RBFOX1: variants seen among roughly 807,000 people sequenced by gnomAD.
RBFOX1 encodes RNA binding protein fox-1 homolog 1.
A neutral mutation model predicts 57.7 loss-of-function variants in RBFOX1; 8 were observed. That is an observed-to-expected ratio of 0.14 (90% confidence interval 0.08 to 0.25). The LOEUF is 0.25. Ranked by LOEUF, RBFOX1 falls within the 10% of genes least tolerant of loss-of-function variation. The pLI, the probability that RBFOX1 is intolerant of heterozygous loss-of-function variation, is 1.00. For missense variants in RBFOX1, 611 were observed against 548.5 expected, an observed-to-expected ratio of 1.11 and a Z score of -1.14; for synonymous variants, 326 against 222.4, an observed-to-expected ratio of 1.47 and a Z score of -4.15.
At chr16:5,591,468 C>T (rs1415029222) in intron 2 of RBFOX1, among the ~76,000 whole-genome samples, 1 of 152,072 alleles carries the variant, frequency 6.6e-6, no homozygotes, top group African/African-American at 2.4e-5. Flanking sequence ...CCAGGTTGGT[C>T]TCGTACTCCT....
At chr16:6,483,405 C>G (rs73524645) in intron 2 of RBFOX1, 8 of 1,534,184 alleles carry the variant, frequency 5.2e-6, no homozygotes, top group Non-Finnish European at 7.0e-6. Context: ...GAGTCATTTA[C>G]ATTGCTAGCA....
At chr16:5,731,090 C>T (rs1469572183) in intron 3 of RBFOX1, among the ~76,000 whole-genome samples, 1 of 152,180 alleles carries the variant, frequency 6.6e-6, no homozygotes, top group African/African-American at 2.4e-5. Context: ...TCACCATCAA[C>T]ATCATTGTCC....
At chr16:7,224,897 G>A (rs1322660484) in intron 4 of RBFOX1, among the ~76,000 whole-genome samples, 1 of 152,140 alleles carries the variant, frequency 6.6e-6, no homozygotes, top group South Asian at 2.1e-4. Context: ...GTGATTTCAT[G>A]TACTTTGAGT....
chr16:6,475,621 T>C (rs62016767), intron 2 of RBFOX1, among the ~76,000 whole-genome samples: 19,241 of 152,258 alleles, frequency 0.13, 1,537 homozygotes, highest in Middle Eastern at 0.17. Context: ...TCAATATGCT[T>C]CATTAAGCTC....
intron 12 of RBFOX1, among the ~76,000 whole-genome samples, chr16:7,654,606 G>A (rs1193717586): frequency 1.3e-5 from 2 of 152,090 alleles, no homozygotes; most frequent in Middle Eastern, 3.4e-3. Flanking sequence ...ATTGCCAGGC[G>A]AATGTCAAGG....
intron 4 of RBFOX1, among the ~76,000 whole-genome samples, chr16:6,007,197 C>T (rs1303759679): frequency 2.6e-5 from 4 of 152,186 alleles, no homozygotes; most frequent in African/African-American, 9.7e-5. Flanking sequence ...TGAATTGATT[C>T]ACTTCCCATA....
intron 1 of RBFOX1, among the ~76,000 whole-genome samples, chr16:6,046,743 A>G (rs1165334851): frequency 1.3e-5 from 2 of 152,220 alleles, no homozygotes; most frequent in Non-Finnish European, 2.9e-5. Context: ...AATAATTAGT[A>G]TGTAAACTTT....
rs1026374748 is a variant in RBFOX1 at position 5,375,894 on chromosome 16, C to T, written c.220-91322C>T. Among the ~76,000 whole-genome samples, 7 of 152,234 alleles carry T rather than the reference C, an allele frequency of 4.6e-5. No homozygotes were observed. The East Asian group carries it at 1.2e-3, about 25-fold the overall frequency. ...TTTAAGATAGTCATCTGGCTGGGTGCGGTGGCTCATGCCTGTAATCCCAGC... is the reference window on the plus strand; with the variant it reads ...TTTAAGATAGTCATCTGGCTGGGTGTGGTGGCTCATGCCTGTAATCCCAGC... On this transcript the variant is annotated intron_variant, in intron 1 of 2. Transcript: ENST00000585867.
At chr16:6,684,969 G>C (rs549660653) in intron 3 of RBFOX1, among the ~76,000 whole-genome samples, 1 of 152,198 alleles carries the variant, frequency 6.6e-6, no homozygotes, top group African/African-American at 2.4e-5. Flanking sequence ...CTCTTTGGCA[G>C]GTTGTATTAG....
At chr16:5,340,311 C>T (rs1463887742) in intron 1 of RBFOX1, among the ~76,000 whole-genome samples, 2 of 152,150 alleles carry the variant, frequency 1.3e-5, no homozygotes, top group African/African-American at 2.4e-5. Flanking sequence ...TTGTGGTTTT[C>T]AGAGCTATTT....
intron 14 of RBFOX1, among the ~76,000 whole-genome samples, chr16:7,689,888 C>G (rs1479482009): frequency 2.0e-5 from 3 of 152,058 alleles, no homozygotes; most frequent in Non-Finnish European, 4.4e-5. Flanking sequence ...CATCTAGAAA[C>G]TAGAAGTACC....
At chr16:5,360,279 A>G (rs1449563237) in intron 1 of RBFOX1, among the ~76,000 whole-genome samples, 1 of 152,202 alleles carries the variant, frequency 6.6e-6, no homozygotes, top group East Asian at 1.9e-4. Context: ...TAATTAGAGG[A>G]TAGGCATCCT....
chr16:6,873,021 G>A (rs1201986678), intron 3 of RBFOX1, among the ~76,000 whole-genome samples: 1 of 151,944 alleles, frequency 6.6e-6, no homozygotes, highest in African/African-American at 2.4e-5. Context: ...TAGATATACT[G>A]CAGTGTGTTC....
chr16:7,398,361 G>T (rs143901379), intron 4 of RBFOX1, among the ~76,000 whole-genome samples: 2 of 152,200 alleles, frequency 1.3e-5, no homozygotes, highest in African/African-American at 2.4e-5. Context: ...AACTATCTCA[G>T]TGTTACAGAA....
chr16:7,227,285 A>ACACCCCCCCCC (rs2093190300), intron 4 of RBFOX1, among the ~76,000 whole-genome samples: 1 of 73,240 alleles, frequency 1.4e-5, no homozygotes, highest in Non-Finnish European at 3.4e-5. Flanking sequence ...CACACACCCC[A>ACACCCCCCCCC]CCCCACCCCC....
chr16:7,641,796 C>T (rs914788581), intron 11 of RBFOX1, among the ~76,000 whole-genome samples: 10 of 152,154 alleles, frequency 6.6e-5, no homozygotes, highest in Non-Finnish European at 1.5e-4. Flanking sequence ...GTGACCTTGG[C>T]CAAGTCTCCT....
At chr16:5,617,852 CT>C (rs775109855) in intron 3 of RBFOX1, among the ~76,000 whole-genome samples, 149 of 152,252 alleles carry the variant, frequency 9.8e-4, no homozygotes, top group Non-Finnish European at 1.9e-3. Context: ...TCTCCTTCCC[CT>C]AGGCAGCATT....
At chr16:6,003,236 G>A (rs1041838961) in intron 4 of RBFOX1, among the ~76,000 whole-genome samples, 1 of 147,008 alleles carries the variant, frequency 6.8e-6, no homozygotes, top group African/African-American at 2.5e-5. Flanking sequence ...CCGAGATCGC[G>A]CCACTGCACT....
chr16:6,285,947 G>T (rs138857772), intron 1 of RBFOX1, among the ~76,000 whole-genome samples: 112 of 152,286 alleles, frequency 7.4e-4, no homozygotes, highest in African/African-American at 2.6e-3. Flanking sequence ...GTAAAAGTGG[G>T]ATAACACACA....
Sources: allele counts gnomAD v4.1 joint callset (sites outside exome capture counted in the v4.1 genomes callset), GRCh38; gene constraint gnomAD v4.1.1; transcripts MANE v1.5; gene names NCBI Gene and HGNC (gene_info 2026-07-23, HGNC 2026-07-21).